The following RYR3 variants were observed in gnomAD, a reference collection of about 807,000 sequenced individuals.
RYR3 encodes the protein brain ryanodine receptor-calcium release channel.
Under a neutral mutation model 584.3 loss-of-function variants are expected in RYR3, and 207 were observed. The ratio of observed to expected loss-of-function variants is 0.35; its 90% CI spans 0.32 to 0.40. RYR3 has a LOEUF of 0.40. Ranked by LOEUF, RYR3 falls within the 10% of genes least tolerant of loss-of-function variation. The pLI is 1.00. For missense variants in RYR3, 5,616 were observed against 6,089.2 expected, an observed-to-expected ratio of 0.92 and a Z score of 2.59; for synonymous variants, 2,416 against 2,248.5, an observed-to-expected ratio of 1.07 and a Z score of -2.11.
chr15:33,700,899 T>C (rs1007943135), intron 41 of RYR3, 78 bp from the exon 42 acceptor site: 1 of 999,696 alleles, frequency 1.0e-6, no homozygotes, highest in African/African-American at 1.6e-5. Flanking sequence ...CCTGTCCGCT[T>C]ACGTGCACTG....
chr15:33,681,991 A>G (rs2064661301), intron 38 of RYR3, among the ~76,000 whole-genome samples: 2 of 152,204 alleles, frequency 1.3e-5, no homozygotes, highest in South Asian at 4.1e-4. Flanking sequence ...AGGAAGAAAT[A>G]AAAGATTATT....
At chr15:33,601,685 A>G (rs1381576409) in intron 17 of RYR3, 133 bp downstream of exon 17, 1 of 876,480 alleles carries the variant, frequency 1.1e-6, no homozygotes, top group Admixed American at 2.4e-5. Flanking sequence ...TACATAAGAC[A>G]AGACCAAGCA....
At chr15:33,786,091 A>C in intron 66 of RYR3, 109 bp downstream of exon 66, 1 of 955,100 alleles carries the variant, frequency 1.0e-6, no homozygotes, top group East Asian at 2.5e-5. Context: ...TCTATTCTAT[A>C]TTTAAACCTC....
chr15:33,860,174 C>T (rs1472185847), intron 100 of RYR3, among the ~76,000 whole-genome samples: 1 of 152,150 alleles, frequency 6.6e-6, no homozygotes, highest in African/African-American at 2.4e-5. Context: ...TTGAGTCATG[C>T]TGAGTGGAGG....
At chr15:33,483,830 A>G (rs1212319724) in intron 2 of RYR3, among the ~76,000 whole-genome samples, 14 of 152,140 alleles carry the variant, frequency 9.2e-5, no homozygotes, top group African/African-American at 1.9e-4. Context: ...TTCTATTTCC[A>G]GACATTCTGG....
rs554241444 is a variant in RYR3, at chr15:33,462,961, A to C, written c.52-10458A>C. 3.3e-5 allele frequency among the ~76,000 whole-genome samples: 5 copies of C among 152,228 alleles called. No individual in the cohort carries two copies. The South Asian group carries it at 1.0e-3, about 32-fold the overall frequency. On this transcript the variant is annotated intron_variant, in intron 1 of 103. Coordinates refer to ENST00000634891, the MANE Select transcript of RYR3 (RefSeq NM_001036.6). ...TTTGGGAGGCTGATTGCTTGAGCCCAGAAGTTTGAGACCAGCCTGGGCAAC... is the reference window on the plus strand; with the variant it reads ...TTTGGGAGGCTGATTGCTTGAGCCCCGAAGTTTGAGACCAGCCTGGGCAAC...
At chr15:33,542,496 G>A (rs1320967705) in intron 7 of RYR3, among the ~76,000 whole-genome samples, 1 of 152,068 alleles carries the variant, frequency 6.6e-6, no homozygotes, top group Admixed American at 6.6e-5. Context: ...ACTCAGATTA[G>A]CAGTACAAAA....
intron 3 of RYR3, among the ~76,000 whole-genome samples, chr15:33,524,261 C>T (rs766963397): frequency 6.6e-6 from 1 of 152,188 alleles, no homozygotes; most frequent in Non-Finnish European, 1.5e-5. Flanking sequence ...TTATTCTTGC[C>T]TATATGTAAT....
chr15:33,335,256 T>C (rs1057457265), intron 1 of RYR3, among the ~76,000 whole-genome samples: 6 of 152,310 alleles, frequency 3.9e-5, no homozygotes, highest in African/African-American at 1.4e-4. Flanking sequence ...CTATTCACAA[T>C]AGCAAAGACA....
intron 3 of RYR3, among the ~76,000 whole-genome samples, chr15:33,505,776 G>A (rs1181707222): frequency 1.3e-5 from 2 of 152,168 alleles, no homozygotes; most frequent in African/African-American, 4.8e-5. Context: ...ACAAGTGTGA[G>A]CCACCACGCC....
chr15:33,842,039 A>G lies in RYR3; in HGVS notation c.13209+4A>G. On this transcript the variant is annotated splice_donor_region_variant and intron_variant, in intron 91 of 103. Transcript: ENST00000634891. ...AATCTATCAGACCAAGTTACTGGTAAGCATTCCAACCTTGGCCCTGTTCAT... is the reference window on the plus strand; with the variant it reads ...AATCTATCAGACCAAGTTACTGGTAGGCATTCCAACCTTGGCCCTGTTCAT... 1.9e-6 allele frequency: 3 copies of G among 1,595,644 alleles called. No individual in the cohort carries two copies. Among genetic ancestry groups the G allele is most frequent in the Non-Finnish European group, 2.6e-6 (3 of 1,170,802 alleles).
chr15:33,333,049 A>G (rs1970544160), intron 1 of RYR3, among the ~76,000 whole-genome samples: 1 of 149,870 alleles, frequency 6.7e-6, no homozygotes, highest in African/African-American at 2.5e-5. Flanking sequence ...TGAGGCAATA[A>G]TAAATAGCCT....
chr15:33,740,213 G>A (rs908402651), intron 51 of RYR3, among the ~76,000 whole-genome samples: 4 of 152,132 alleles, frequency 2.6e-5, no homozygotes, highest in Non-Finnish European at 5.9e-5. Flanking sequence ...GAAAGGGTTG[G>A]TTTATTTTTT....
chr15:33,735,344 T>C (rs895386115), intron 48 of RYR3, among the ~76,000 whole-genome samples: 2 of 152,242 alleles, frequency 1.3e-5, no homozygotes, highest in African/African-American at 2.4e-5. Flanking sequence ...GAAACAGTTG[T>C]GAAACAGACG....
Position 33,662,592 on chromosome 15 carries a change from T to C in RYR3, c.5062T>C (p.Leu1688=), listed in dbSNP as rs376489078. 6.2e-7 allele frequency: 1 copy of C among 1,613,950 alleles called. No homozygotes were observed. Among genetic ancestry groups the C allele is most frequent in the Non-Finnish European group, 8.5e-7 (1 of 1,179,876 alleles). ...CCAAAAGCAGAGCCCCGAGATTCCC[T>C]TGGAGAGTCTCAGGACGAAGGCTCT... ...DHQKQSPEIP[L]ESLRTKALSM... is the part of the protein sequence containing the mutation. Residue 1688 remains leucine, a synonymous_variant, in exon 35 of 104, where the codon TTG becomes CTG. Coordinates refer to ENST00000634891, the MANE Select transcript of RYR3 (RefSeq NM_001036.6).
Position 33,336,484 on chromosome 15 carries a change from GAGAA to G in RYR3, c.51+25405_51+25408del, listed in dbSNP as rs1208071964. ...AGAGAGAGAGAGAGAGAGAGAGAGA[GAGAA>G]AGAAAGAAAGAAAGAAGGAGGGAAG... On this transcript the variant is annotated intron_variant, in intron 1 of 103. Coordinates refer to ENST00000634891, the MANE Select transcript of RYR3 (RefSeq NM_001036.6). Among the ~76,000 whole-genome samples the G allele has an allele frequency of 8.5e-4, 19 of 22,362 alleles. 3 individuals are homozygous for G. The highest frequency in any genetic ancestry group is 4.7e-3 in the South Asian group (3 of 636). 14.7% of individuals were successfully genotyped at this position (22,362 alleles called of 152,430 possible).
At chr15:33,353,129 T>C (rs1329520978) in intron 1 of RYR3, among the ~76,000 whole-genome samples, 1 of 152,194 alleles carries the variant, frequency 6.6e-6, no homozygotes, top group Non-Finnish European at 1.5e-5. Flanking sequence ...AGTGCATTTT[T>C]TATATTTAGC....
chr15:33,639,229 A>G (rs1220660389), intron 27 of RYR3, among the ~76,000 whole-genome samples: 4 of 152,200 alleles, frequency 2.6e-5, no homozygotes, highest in Admixed American at 2.6e-4. Flanking sequence ...CAGAATAACA[A>G]AGTATTATTA....
Position 33,473,429 on chromosome 15 carries a change from T to C in RYR3, c.62T>C (p.Val21Ala). Residue 21 changes from valine (V) to alanine (A), a missense_variant, in exon 2 of 104, where the codon GTG becomes GCG. Around this residue, in one of 9 missense-constraint regions of RYR3, gnomAD observed 1,284 missense variants for 1,344.6 expected, o/e 0.95. Coordinates refer to ENST00000634891, the MANE Select transcript of RYR3 (RefSeq NM_001036.6). ...CTCTTCTCCTGGCAGGAGGATGAAG[T>C]GGTACTCCAGTGCATCGCCACCATT... ...EIQFLRTEDE[V>A]VLQCIATIHK... is the part of the protein sequence containing the mutation. 1 of 1,613,888 alleles carries C rather than the reference T, an allele frequency of 6.2e-7. No homozygotes were observed. The highest frequency in any genetic ancestry group is 8.5e-7 in the Non-Finnish European group (1 of 1,179,854).
Sources: allele counts gnomAD v4.1 joint callset (sites outside exome capture counted in the v4.1 genomes callset), GRCh38; gene constraint gnomAD v4.1.1; regional missense constraint gnomAD v4.1.1; transcripts MANE v1.5; gene names NCBI Gene and HGNC (gene_info 2026-07-23, HGNC 2026-07-21).